Variants in CSMD3 observed in about 807,000 individuals in gnomAD.
The protein encoded by CSMD3 is CUB and Sushi multiple domains 3.
A neutral mutation model predicts 435.2 loss-of-function variants in CSMD3; 177 were observed. The observed-to-expected ratio is 0.41, with a 90% confidence interval of 0.36 to 0.46. The LOEUF (loss-of-function observed/expected upper bound fraction) is 0.46, where lower values mean the gene tolerates loss of function less well. Among genes scored for constraint, CSMD3 ranks in the 20% least tolerant of loss-of-function variants. The probability of loss-of-function intolerance (pLI) is 0.34; values close to 1 mark genes in which losing one functional copy is unlikely to be tolerated. For missense variants in CSMD3, 4,265 were observed against 4,504.6 expected (o/e 0.95, Z 1.52); for synonymous variants, 1,656 against 1,520.5 (o/e 1.09, Z -2.07).
intron 3 of CSMD3, among the ~76,000 whole-genome samples, chr8:113,224,723 G>T (rs190385071): frequency 2.0e-5 from 3 of 151,212 alleles, no homozygotes; most frequent in East Asian, 3.9e-4. Flanking sequence ...AACCACCTGT[G>T]TCTTCCAACA....
At chr8:112,680,488 G>C (rs1235360828) in intron 16 of CSMD3, among the ~76,000 whole-genome samples, 1 of 152,180 alleles carries the variant, frequency 6.6e-6, no homozygotes, top group African/African-American at 2.4e-5. Context: ...GAAAAACTAA[G>C]TATTACTATC....
intron 1 of CSMD3, among the ~76,000 whole-genome samples, chr8:113,397,591 G>GC: frequency 6.6e-6 from 1 of 152,062 alleles, no homozygotes; most frequent in East Asian, 1.9e-4. Context: ...GCCGAGGCGG[G>GC]GGAACACGAG....
intron 1 of CSMD3, among the ~76,000 whole-genome samples, chr8:113,366,400 A>T (rs572703320): frequency 4.6e-5 from 7 of 152,040 alleles, no homozygotes; most frequent in Non-Finnish European, 1.0e-4. Flanking sequence ...ATGTTGATAA[A>T]TAAAAATACC....
chr8:112,665,984 T>C (rs2075514389), intron 17 of CSMD3, among the ~76,000 whole-genome samples: 2 of 152,090 alleles, frequency 1.3e-5, no homozygotes, highest in Non-Finnish European at 2.9e-5. Flanking sequence ...CTTCAAAGTA[T>C]AGAACAACTA....
intron 8 of CSMD3, among the ~76,000 whole-genome samples, chr8:112,948,581 C>T (rs910813547): frequency 2.6e-4 from 39 of 151,928 alleles, no homozygotes; most frequent in African/African-American, 9.2e-4. Context: ...TATCTAAATC[C>T]CCAAGTTAGA....
intron 11 of CSMD3, among the ~76,000 whole-genome samples, chr8:112,844,819 C>T (rs1216971992): frequency 6.6e-6 from 1 of 151,822 alleles, no homozygotes; most frequent in African/African-American, 2.4e-5. Context: ...CCTTCTTTGC[C>T]CAGTCTCTCT....
intron 38 of CSMD3, among the ~76,000 whole-genome samples, chr8:112,354,568 C>G (rs1394020662): frequency 2.6e-5 from 4 of 152,072 alleles, no homozygotes; most frequent in Non-Finnish European, 5.9e-5. Flanking sequence ...TCCAGGCTGA[C>G]AGTCAAATTA....
intron 1 of CSMD3, among the ~76,000 whole-genome samples, chr8:113,383,119 G>A (rs1257777054): frequency 6.6e-6 from 1 of 152,160 alleles, no homozygotes; most frequent in Non-Finnish European, 1.5e-5. Context: ...ACACTGCAGA[G>A]AGGGAATAGC....
At chr8:112,704,752 A>G (rs1292193498) in intron 13 of CSMD3, among the ~76,000 whole-genome samples, 1 of 152,142 alleles carries the variant, frequency 6.6e-6, no homozygotes, top group African/African-American at 2.4e-5. Context: ...TTAAAATGAA[A>G]TATATAATTT....
chr8:112,416,817 C>T (rs1226721117), intron 32 of CSMD3, among the ~76,000 whole-genome samples: 1 of 151,518 alleles, frequency 6.6e-6, no homozygotes, highest in Non-Finnish European at 1.5e-5. Context: ...AAAAAAAAAA[C>T]TGAGACTTAG....
At chr8:113,424,289 A>G (rs1588700529) in intron 1 of CSMD3, among the ~76,000 whole-genome samples, 3 of 151,744 alleles carry the variant, frequency 2.0e-5, no homozygotes, top group Non-Finnish European at 4.4e-5. Flanking sequence ...TTTCCCCATT[A>G]TGTCTTCATT....
chr8:113,351,203 A>AGGT (rs2094187843), intron 1 of CSMD3, among the ~76,000 whole-genome samples: 3 of 152,148 alleles, frequency 2.0e-5, no homozygotes, highest in Non-Finnish European at 2.9e-5. Flanking sequence ...GATAAATGAT[A>AGGT]GATGAAATGG....
intron 44 of CSMD3, 108 bp from the exon 45 acceptor site, chr8:112,335,582 A>G: frequency 2.1e-6 from 2 of 964,622 alleles, no homozygotes; most frequent in Non-Finnish European, 3.2e-6. Context: ...TAACGTATCA[A>G]TAATAAAGAT....
At chr8:113,153,910 G>A (rs2091882394) in intron 4 of CSMD3, among the ~76,000 whole-genome samples, 1 of 151,854 alleles carries the variant, frequency 6.6e-6, no homozygotes, top group African/African-American at 2.4e-5. Context: ...TTAAGCTTGT[G>A]ATGGTATGAG....
At chr8:112,654,981 G>C (rs2075221195) in intron 18 of CSMD3, among the ~76,000 whole-genome samples, 1 of 152,100 alleles carries the variant, frequency 6.6e-6, no homozygotes, top group Non-Finnish European at 1.5e-5. Flanking sequence ...TAGTTCATTT[G>C]AACCCCCAAG....
intron 50 of CSMD3, among the ~76,000 whole-genome samples, chr8:112,306,653 A>G (rs1434609156): frequency 6.6e-6 from 1 of 152,172 alleles, no homozygotes. Flanking sequence ...AATCAAATAG[A>G]TTTATTTTAC....
chr8:112,507,817 C>T (rs1300079026), intron 28 of CSMD3, among the ~76,000 whole-genome samples: 1 of 152,016 alleles, frequency 6.6e-6, no homozygotes, highest in Non-Finnish European at 1.5e-5. Flanking sequence ...TCTGGTACTG[C>T]CTTCCTCCAT....
intron 1 of CSMD3, among the ~76,000 whole-genome samples, chr8:113,419,125 G>T (rs868450920): frequency 8.9e-4 from 119 of 133,408 alleles, no homozygotes; most frequent in African/African-American, 2.5e-3. Context: ...TTTTTGGTTT[G>T]TTTTTTTTTT....
At chr8:112,263,338 G>C (rs923082188) in intron 61 of CSMD3, among the ~76,000 whole-genome samples, 1 of 152,008 alleles carries the variant, frequency 6.6e-6, no homozygotes, top group Non-Finnish European at 1.5e-5. Context: ...ATTCGGCTAA[G>C]ACAAAAAGGA....
Sources: gnomAD v4.1 joint callset for allele counts (sites outside exome capture counted in the v4.1 genomes callset) on GRCh38, gnomAD v4.1.1 for gene constraint, MANE v1.5 for transcripts, NCBI Gene and HGNC (gene_info 2026-07-23, HGNC 2026-07-21) for gene names.